Variants in NOL10 observed in about 807,000 individuals in gnomAD.
NOL10 encodes nucleolar protein 10.
A neutral mutation model predicts 103.5 loss-of-function variants in NOL10; 58 were observed. That is an observed-to-expected ratio of 0.56 (90% confidence interval 0.45 to 0.70). The LOEUF (loss-of-function observed/expected upper bound fraction) is 0.70, where lower values mean the gene tolerates loss of function less well. Ranked by LOEUF, NOL10 falls within the 30% of genes least tolerant of loss-of-function variation. NOL10 has a pLI of 0.00. For synonymous variants in NOL10, 287 were observed against 282.5 expected, an observed-to-expected ratio of 1.02 and a Z score of -0.16; for missense variants, 763 against 807.3, an observed-to-expected ratio of 0.95 and a Z score of 0.67.
chr2:10,661,385 T>A (rs565884989), intron 9 of NOL10, among the ~76,000 whole-genome samples: 1 of 151,202 alleles, frequency 6.6e-6, no homozygotes, highest in Non-Finnish European at 1.5e-5. Flanking sequence ...TATTTATTTA[T>A]GTTTGAGATG....
At chr2:10,655,465 T>C (rs1289527402) in intron 11 of NOL10, among the ~76,000 whole-genome samples, 1 of 152,202 alleles carries the variant, frequency 6.6e-6, no homozygotes, top group African/African-American at 2.4e-5. Flanking sequence ...ACTTAAGTGT[T>C]AGTTACTATG....
intron 12 of NOL10, among the ~76,000 whole-genome samples, chr2:10,650,888 C>T (rs1211827635): frequency 1.3e-5 from 2 of 152,178 alleles, no homozygotes; most frequent in Admixed American, 1.3e-4. Flanking sequence ...ACAACATGCA[C>T]TGCTAACATC....
chr2:10,578,336 A>C (rs1307592338), intron 19 of NOL10, among the ~76,000 whole-genome samples: 1 of 152,248 alleles, frequency 6.6e-6, no homozygotes, highest in Non-Finnish European at 1.5e-5. Flanking sequence ...TGACGCTGAG[A>C]GAAAACAAAA....
At chr2:10,636,420 CAAAAAA>C (rs70953327) in intron 13 of NOL10, among the ~76,000 whole-genome samples, 1,263 of 54,712 alleles carry the variant, frequency 0.023, 28 homozygotes, top group African/African-American at 0.09. Flanking sequence ...TACAAAAAAC[CAAAAAA>C]AAAAAAAAAA....
At chr2:10,582,673 G>C (rs1439038281) in intron 19 of NOL10, among the ~76,000 whole-genome samples, 2 of 152,160 alleles carry the variant, frequency 1.3e-5, no homozygotes, top group Admixed American at 6.6e-5. Flanking sequence ...ATGTCTCTGA[G>C]GATGCATACC....
intron 3 of NOL10, among the ~76,000 whole-genome samples, chr2:10,676,939 CTTTTT>C (rs35181197): frequency 0.015 from 2,118 of 144,632 alleles, 55 homozygotes; most frequent in African/African-American, 0.049. Context: ...AGGCCGGCCT[CTTTTT>C]TTTTTTTTCT....
chr2:10,666,315 T>C (rs1680562523), intron 8 of NOL10, among the ~76,000 whole-genome samples: 1 of 152,166 alleles, frequency 6.6e-6, no homozygotes, highest in Non-Finnish European at 1.5e-5. Context: ...GTTTAATAAA[T>C]TATAGTACAA....
chr2:10,682,468 T>C (rs1225567423), intron 2 of NOL10, among the ~76,000 whole-genome samples: 1 of 150,938 alleles, frequency 6.6e-6, no homozygotes, highest in Non-Finnish European at 1.5e-5. Context: ...GGCACAATCA[T>C]GGCTCACTGC....
At chr2:10,614,105 A>G (rs6432125) in intron 13 of NOL10, among the ~76,000 whole-genome samples, 89,475 of 151,408 alleles carry the variant, frequency 0.59, 27,417 homozygotes, top group African/African-American at 0.74. Flanking sequence ...GACTACAGGC[A>G]TGCACTACCA....
intron 14 of NOL10, among the ~76,000 whole-genome samples, chr2:10,604,484 G>A (rs1445057611): frequency 6.6e-6 from 1 of 152,096 alleles, no homozygotes; most frequent in African/African-American, 2.4e-5. Flanking sequence ...AATTCATTAG[G>A]TTAATAAAAA....
At chr2:10,674,344 T>C (rs1681148352) in intron 4 of NOL10, among the ~76,000 whole-genome samples, 1 of 152,186 alleles carries the variant, frequency 6.6e-6, no homozygotes, top group South Asian at 2.1e-4. Flanking sequence ...GGCCAACTGA[T>C]AAAAGCACTT....
intron 19 of NOL10, among the ~76,000 whole-genome samples, chr2:10,582,457 A>G (rs984549868): frequency 6.6e-6 from 1 of 152,140 alleles, no homozygotes; most frequent in African/African-American, 2.4e-5. Context: ...AAACGTGGAG[A>G]GTTTTCATTC....
chr2:10,634,283 G>A (rs1181946367), intron 13 of NOL10, among the ~76,000 whole-genome samples: 1 of 152,208 alleles, frequency 6.6e-6, no homozygotes, highest in Non-Finnish European at 1.5e-5. Flanking sequence ...ATGGCTGGAT[G>A]TGGAACAAAA....
intron 13 of NOL10, among the ~76,000 whole-genome samples, chr2:10,615,472 A>G (rs1676783971): frequency 6.6e-6 from 1 of 152,214 alleles, no homozygotes; most frequent in Non-Finnish European, 1.5e-5. Context: ...GGGCTAGCAG[A>G]GACAGGACGC....
intron 7 of NOL10, 87 bp downstream of exon 7, chr2:10,668,571 A>G (rs1680701144): frequency 5.3e-6 from 3 of 563,200 alleles, no homozygotes; most frequent in South Asian, 3.5e-5. Context: ...CTTAATTGCA[A>G]TAGTTTATGT....
chr2:10,674,041 G>C (rs1220919965), intron 4 of NOL10, among the ~76,000 whole-genome samples: 1 of 147,014 alleles, frequency 6.8e-6, no homozygotes, highest in Non-Finnish European at 1.5e-5. Context: ...TATCACTATG[G>C]GAAAGAAAAA....
intron 19 of NOL10, among the ~76,000 whole-genome samples, chr2:10,584,333 G>A (rs1410599759): frequency 1.3e-5 from 2 of 152,138 alleles, no homozygotes; most frequent in African/African-American, 2.4e-5. Flanking sequence ...AATGGGTGGT[G>A]GAGAGGCTGA....
At chr2:10,677,871 G>GTGTGTGTATA (rs201387297) in intron 3 of NOL10, among the ~76,000 whole-genome samples, 6 of 145,898 alleles carry the variant, frequency 4.1e-5, no homozygotes, top group African/African-American at 1.5e-4. Flanking sequence ...GTGTGTGTGT[G>GTGTGTGTATA]TATACACATA....
At chr2:10,664,519 C>G (rs1369230267) in intron 8 of NOL10, among the ~76,000 whole-genome samples, 1 of 152,146 alleles carries the variant, frequency 6.6e-6, no homozygotes, top group Non-Finnish European at 1.5e-5. Flanking sequence ...CACAAAAAAG[C>G]AATTTACTTT....
Sources: allele counts gnomAD v4.1 joint callset (sites outside exome capture counted in the v4.1 genomes callset), GRCh38; gene constraint gnomAD v4.1.1; transcripts MANE v1.5; gene names NCBI Gene and HGNC (gene_info 2026-07-23, HGNC 2026-07-21).